CA10: variants seen among roughly 807,000 people sequenced by gnomAD.
The protein encoded by CA10 is carbonic anhydrase-related protein 10.
A neutral mutation model predicts 44.2 loss-of-function variants in CA10; 14 were observed. That is an observed-to-expected ratio of 0.32 (90% CI 0.21 to 0.50). CA10 has a LOEUF of 0.50. Ranked by LOEUF, CA10 falls within the 20% of genes least tolerant of loss-of-function variation. CA10 has a pLI of 0.99. For missense variants in CA10, 350 were observed against 409.7 expected (o/e 0.85, Z 1.26); for synonymous variants, 159 against 141.6 (o/e 1.12, Z -0.87).
chr17:51,841,503 G>A (rs1054025959), intron 3 of CA10, among the ~76,000 whole-genome samples: 3 of 152,156 alleles, frequency 2.0e-5, no homozygotes, highest in Non-Finnish European at 4.4e-5. Flanking sequence ...AGGTAAGTGT[G>A]GGAAGACAAA....
At chr17:51,662,191 T>C (rs1330263122) in intron 4 of CA10, among the ~76,000 whole-genome samples, 1 of 152,198 alleles carries the variant, frequency 6.6e-6, no homozygotes, top group East Asian at 1.9e-4. Flanking sequence ...ATTGTTACCT[T>C]TATATAGTCC....
chr17:51,863,445 A>C (rs1979404977), intron 3 of CA10, among the ~76,000 whole-genome samples: 1 of 152,236 alleles, frequency 6.6e-6, no homozygotes, highest in South Asian at 2.1e-4. Flanking sequence ...GCATGCAAAT[A>C]GCCTTACCAT....
chr17:52,130,583 G>A (rs1989215886), intron 1 of CA10, among the ~76,000 whole-genome samples: 1 of 152,150 alleles, frequency 6.6e-6, no homozygotes, highest in Non-Finnish European at 1.5e-5. Context: ...ACTTATATGT[G>A]GAACGTAATA....
At chr17:51,714,610 A>C (rs543946514) in intron 4 of CA10, among the ~76,000 whole-genome samples, 1 of 152,292 alleles carries the variant, frequency 6.6e-6, no homozygotes, top group South Asian at 2.1e-4. Flanking sequence ...CAAACATGGG[A>C]GATATGACTG....
intron 4 of CA10, among the ~76,000 whole-genome samples, chr17:51,736,118 A>T (rs1274506365): frequency 2.0e-5 from 3 of 152,214 alleles, no homozygotes; most frequent in African/African-American, 7.2e-5. Context: ...TGTAGAATGG[A>T]CATCACTCAT....
chr17:51,788,981 G>T (rs1360790964), intron 3 of CA10, among the ~76,000 whole-genome samples: 1 of 152,108 alleles, frequency 6.6e-6, no homozygotes, highest in Non-Finnish European at 1.5e-5. Context: ...TATAGTGTTT[G>T]TCATACAATT....
rs903829271 is a variant in CA10 at position 51,795,528 on chromosome 17, A to G, written c.280-47710T>C. 7.2e-5 allele frequency among the ~76,000 whole-genome samples: 11 copies of G among 152,360 alleles called. No individual in the cohort carries two copies. In the East Asian group the frequency reaches 1.2e-3, roughly 16 times the overall value. Reference sequence around the variant, plus strand: ...GAAAAGGAAAAAGTATTTGCCACATAGTCAACCAGAAGATTTAATGACTCA... The same window carrying G: ...GAAAAGGAAAAAGTATTTGCCACATGGTCAACCAGAAGATTTAATGACTCA... On this transcript the variant is annotated intron_variant, in intron 3 of 8. Coordinates refer to ENST00000451037, the MANE Select transcript of CA10 (RefSeq NM_020178.5).
intron 3 of CA10, among the ~76,000 whole-genome samples, chr17:51,820,182 G>GCC (rs1386497376): frequency 3.8e-5 from 3 of 79,508 alleles, no homozygotes; most frequent in Admixed American, 1.5e-4. Flanking sequence ...GAACCTGAGC[G>GCC]CCGCCCCCCC....
At position 51,936,416 on chromosome 17, in the gene CA10, G is replaced by A. The variant is rs549498961; in HGVS notation, c.137-5284C>T. Among the ~76,000 whole-genome samples, 11 of 152,214 alleles carry A rather than the reference G, an allele frequency of 7.2e-5. No individual in the cohort carries two copies. In the East Asian group the frequency reaches 1.2e-3, roughly 16 times the overall value. Reference sequence around the variant, plus strand: ...AACCTAGGTAGCATGGTCAAGGGTGGTCTCTCTGGAAGGGTCAGCTGGTAG... The same window carrying A: ...AACCTAGGTAGCATGGTCAAGGGTGATCTCTCTGGAAGGGTCAGCTGGTAG... On this transcript the variant is annotated intron_variant, in intron 2 of 8. Transcript: ENST00000451037.
intron 3 of CA10, among the ~76,000 whole-genome samples, chr17:51,839,839 G>T (rs1567857444): frequency 6.6e-6 from 1 of 152,184 alleles, no homozygotes; most frequent in Non-Finnish European, 1.5e-5. Context: ...CCAGGAATCA[G>T]CAACACACTG....
intron 4 of CA10, among the ~76,000 whole-genome samples, chr17:51,700,152 C>T (rs1384481162): frequency 1.3e-5 from 2 of 152,120 alleles, no homozygotes; most frequent in Non-Finnish European, 2.9e-5. Context: ...AATAGGAGAG[C>T]ATCCTTGGAG....
intron 3 of CA10, among the ~76,000 whole-genome samples, chr17:51,799,093 T>C (rs1021264479): frequency 7.2e-5 from 11 of 152,210 alleles, no homozygotes; most frequent in Non-Finnish European, 1.5e-4. Flanking sequence ...AGTGTCCAAA[T>C]GTCTTTTGCA....
chr17:51,756,719 G>GCC (rs1318459911), intron 3 of CA10, among the ~76,000 whole-genome samples: 5 of 151,928 alleles, frequency 3.3e-5, no homozygotes, highest in African/African-American at 9.7e-5. Context: ...CTCATGATCC[G>GCC]CCCGTCTTGG....
At chr17:51,865,963 C>A (rs1979528309) in intron 3 of CA10, among the ~76,000 whole-genome samples, 1 of 152,198 alleles carries the variant, frequency 6.6e-6, no homozygotes, top group African/African-American at 2.4e-5. Flanking sequence ...CTGAACAGGG[C>A]AGATATAAAA....
chr17:51,810,651 G>A (rs1264858028), intron 3 of CA10, among the ~76,000 whole-genome samples: 1 of 152,128 alleles, frequency 6.6e-6, no homozygotes, highest in African/African-American at 2.4e-5. Flanking sequence ...GAGATCAATT[G>A]GAGAGTTTGT....
chr17:52,151,372 C>A (rs1236509404), intron 1 of CA10, among the ~76,000 whole-genome samples: 1 of 152,038 alleles, frequency 6.6e-6, no homozygotes, highest in Non-Finnish European at 1.5e-5. Context: ...TCTCCCTGTT[C>A]TTTTGAAATC....
At chr17:51,998,703 C>A (rs894390794) in intron 2 of CA10, among the ~76,000 whole-genome samples, 1 of 151,864 alleles carries the variant, frequency 6.6e-6, no homozygotes, top group Non-Finnish European at 1.5e-5. Context: ...GGGAAAGAGT[C>A]TAGTATTAAA....
intron 3 of CA10, among the ~76,000 whole-genome samples, chr17:51,890,307 A>T (rs1472302830): frequency 3.3e-5 from 5 of 152,214 alleles, no homozygotes; most frequent in Admixed American, 3.3e-4. Context: ...AGACCATGAC[A>T]TCTGCAGATG....
At chr17:52,157,029 C>T (rs1284065804) in intron 1 of CA10, among the ~76,000 whole-genome samples, 1 of 152,158 alleles carries the variant, frequency 6.6e-6, no homozygotes, top group Non-Finnish European at 1.5e-5. Flanking sequence ...ATCCCGTTTG[C>T]TCTTAAAAGC....
Sources: gnomAD v4.1 joint callset for allele counts (sites outside exome capture counted in the v4.1 genomes callset) on GRCh38, gnomAD v4.1.1 for gene constraint, MANE v1.5 for transcripts, NCBI Gene and HGNC (gene_info 2026-07-23, HGNC 2026-07-21) for gene names.